Variants in REPS2 observed in about 807,000 individuals in gnomAD.
REPS2 encodes RALBP1 associated Eps domain containing 2, also known as ralBP1-associated Eps domain-containing protein 2.
Under a neutral mutation model 53.6 loss-of-function variants are expected in REPS2, and 23 were observed. The ratio of observed to expected loss-of-function variants is 0.43; its 90% CI spans 0.31 to 0.61. The LOEUF (loss-of-function observed/expected upper bound fraction) is 0.61, where lower values mean the gene tolerates loss of function less well. Among genes scored for constraint, REPS2 ranks in the 20% least tolerant of loss-of-function variants. REPS2 has a pLI of 0.11. For missense variants in REPS2, 446 were observed against 534.9 expected, an observed-to-expected ratio of 0.83 and a Z score of 1.64; for synonymous variants, 238 against 218.6, an observed-to-expected ratio of 1.09 and a Z score of -0.78.
chrX:17,102,554 C>T (rs757576914), intron 13 of REPS2, among the ~76,000 whole-genome samples: 2 of 111,822 alleles, frequency 1.8e-5, no homozygotes, highest in South Asian at 3.7e-4. Flanking sequence ...TTTAACCCAC[C>T]GATGTGTTTC....
Position 17,087,987 on chromosome X carries a change from C to A in REPS2, c.1516+10580C>A, listed in dbSNP as rs778914725. Among the ~76,000 whole-genome samples, 15 of 104,945 alleles carry A rather than the reference C, an allele frequency of 1.4e-4. No homozygotes were observed. In the Admixed American group the frequency reaches 1.4e-3, roughly 10 times the overall value. 91.1% of individuals were successfully genotyped at this position (104,945 alleles called of 115,157 possible). A position where few individuals can be genotyped will look rare whatever the true frequency, so the allele number is the denominator to read the frequency against. ...ATAGATAGATAGATAGATAAAGATA[C>A]ATAAGATAGATAGATAGAGGTAGAA... On this transcript the variant is annotated intron_variant, in intron 13 of 17. Transcript: ENST00000357277.
intron 1 of REPS2, among the ~76,000 whole-genome samples, chrX:17,002,073 T>C (rs1398467456): frequency 9.0e-6 from 1 of 111,402 alleles, no homozygotes; most frequent in East Asian, 2.8e-4. Flanking sequence ...TTGATTTCCT[T>C]GGGTGTGGTG....
At chrX:17,103,694 A>G in intron 13 of REPS2, 24 bp from the exon 14 acceptor site, 1 of 1,201,557 alleles carries the variant, frequency 8.3e-7, no homozygotes, top group South Asian at 1.8e-5. Context: ...GGTGATCCTT[A>G]ATAGTATGTG....
chrX:17,076,387 A>G (rs2062381494), intron 12 of REPS2, among the ~76,000 whole-genome samples: 1 of 111,517 alleles, frequency 9.0e-6, no homozygotes, highest in Non-Finnish European at 1.9e-5. Flanking sequence ...TTTCGTGATC[A>G]TCGTATTGGG....
intron 8 of REPS2, among the ~76,000 whole-genome samples, chrX:17,058,356 G>A (rs1264782707): frequency 9.2e-6 from 1 of 108,163 alleles, no homozygotes; most frequent in Non-Finnish European, 1.9e-5. Flanking sequence ...GGGAGGCCAA[G>A]GCAGGAGAAT....
At chrX:17,016,621 C>T (rs1370087348) in intron 2 of REPS2, among the ~76,000 whole-genome samples, 1 of 110,943 alleles carries the variant, frequency 9.0e-6, no homozygotes, top group Non-Finnish European at 1.9e-5. Flanking sequence ...GTTGGTCAGG[C>T]TAGTCTCAAA....
rs190011104 is a variant in REPS2 at position 17,014,413 on chromosome X, A to T, written c.398-7710A>T. On this transcript the variant is annotated intron_variant, in intron 2 of 17. Transcript: ENST00000357277. ...GATCACCCTTCCCATTGTAACCTCC[A>T]CCCCGCCATCTAGCGATTACCTACC... 5.4e-5 allele frequency among the ~76,000 whole-genome samples: 6 copies of T among 111,219 alleles called. No homozygotes were observed. The East Asian group carries it at 1.7e-3, about 32-fold the overall frequency.
At chrX:16,986,852 C>T (rs1161342044) in intron 1 of REPS2, among the ~76,000 whole-genome samples, 1 of 109,915 alleles carries the variant, frequency 9.1e-6, no homozygotes, top group Non-Finnish European at 1.9e-5. Context: ...ATGGTTGGTC[C>T]CCCTAGCAGT....
chrX:17,156,176 A>G (rs1383467818), downstream of REPS2, among the ~76,000 whole-genome samples: 1 of 111,327 alleles, frequency 9.0e-6, no homozygotes, highest in Non-Finnish European at 1.9e-5. Context: ...AGTGGTGTTT[A>G]CCTCATTGCA....
chrX:16,960,781 T>A (rs987898896), intron 1 of REPS2, among the ~76,000 whole-genome samples: 7 of 111,819 alleles, frequency 6.3e-5, no homozygotes, highest in African/African-American at 2.3e-4. Context: ...AATAAATGAG[T>A]TCAGTAAAGT....
At position 17,114,699 on chromosome X, in the gene REPS2, A is replaced by G. The variant is rs888530774; in HGVS notation, c.1578+10920A>G. 5.3e-5 allele frequency among the ~76,000 whole-genome samples: 6 copies of G among 112,483 alleles called. No individual in the cohort carries two copies. In the East Asian group the frequency reaches 1.4e-3, roughly 26 times the overall value. On this transcript the variant is annotated intron_variant, in intron 14 of 17. Coordinates refer to ENST00000357277, the MANE Select transcript of REPS2 (RefSeq NM_004726.3). ...GATAAGACATATATTGCATAATTAC[A>G]TTGTTACGATGACTCTAGCAATTGT...
At chrX:17,122,691 T>C (rs1340811666) in intron 14 of REPS2, among the ~76,000 whole-genome samples, 1 of 112,556 alleles carries the variant, frequency 8.9e-6, no homozygotes, top group Non-Finnish European at 1.9e-5. Context: ...TCATCAATGC[T>C]GAATTTATTT....
chrX:17,077,473 A>T (rs2062397637), intron 13 of REPS2, 66 bp downstream of exon 13: 1 of 1,071,061 alleles, frequency 9.3e-7, no homozygotes. Context: ...TGTGTCTGCC[A>T]CAGTGGCCTC....
At chrX:17,066,210 T>A (rs780821797) in intron 9 of REPS2, among the ~76,000 whole-genome samples, 1 of 111,999 alleles carries the variant, frequency 8.9e-6, no homozygotes, top group African/African-American at 3.2e-5. Context: ...GAAGTGTGAA[T>A]CCTTTAACTT....
At chrX:17,099,845 A>T (rs989952658) in intron 13 of REPS2, 11 of 604,813 alleles carry the variant, frequency 1.8e-5, no homozygotes, top group Non-Finnish European at 3.2e-5. Context: ...AGGATATGAC[A>T]ACCCGTGGGC....
the REPS2 span, among the ~76,000 whole-genome samples, chrX:17,166,666 G>T: frequency 1.8e-5 from 2 of 111,880 alleles, no homozygotes; most frequent in East Asian, 2.8e-4. Flanking sequence ...AGAACATTGT[G>T]TGCCTACACT....
chrX:17,059,972 G>GAGTCTCCTTTTGATAGTTTCATCAAA (rs1555929566), intron 8 of REPS2, among the ~76,000 whole-genome samples: 36,224 of 90,672 alleles, frequency 0.4, 8,822 homozygotes, highest in East Asian at 0.73. Context: ...GTTTCATCAA[G>GAGTCTCCTTTTGATAGTTTCATCAAA]AGTCTCCTTT....
the REPS2 span, among the ~76,000 whole-genome samples, chrX:17,194,085 A>T: frequency 8.9e-6 from 1 of 111,851 alleles, no homozygotes; most frequent in African/African-American, 3.2e-5. Flanking sequence ...AGCACTCATC[A>T]GCTTGAGAAT....
At chrX:16,982,521 T>C (rs1200234166) in intron 1 of REPS2, among the ~76,000 whole-genome samples, 4 of 112,294 alleles carry the variant, frequency 3.6e-5, no homozygotes, top group African/African-American at 1.3e-4. Context: ...CGTTTGAATC[T>C]TGATTTTATA....
Sources: allele counts gnomAD v4.1 joint callset (sites outside exome capture counted in the v4.1 genomes callset), GRCh38; gene constraint gnomAD v4.1.1; transcripts MANE v1.5; gene names NCBI Gene and HGNC (gene_info 2026-07-23, HGNC 2026-07-21).